Variants in ARHGEF9 observed in about 807,000 individuals in gnomAD.
ARHGEF9 encodes Cdc42 guanine nucleotide exchange factor 9.
ARHGEF9 carries 2 observed loss-of-function variants against 41.3 expected under a neutral mutation model. The ratio of observed to expected loss-of-function variants is 0.05; its 90% CI spans 0.02 to 0.15. The LOEUF is 0.15. Among genes scored for constraint, ARHGEF9 ranks in the 10% least tolerant of loss-of-function variants. The pLI, the probability that ARHGEF9 is intolerant of heterozygous loss-of-function variation, is 1.00. For missense variants in ARHGEF9, 225 were observed against 424.7 expected (o/e 0.53, Z 4.13); for synonymous variants, 160 against 154.4 (o/e 1.04, Z -0.27).
At chrX:63,754,129 A>C (rs1446464815) in intron 1 of ARHGEF9, among the ~76,000 whole-genome samples, 2 of 112,028 alleles carry the variant, frequency 1.8e-5, no homozygotes, top group Admixed American at 1.9e-4. Flanking sequence ...GCCACTGTTT[A>C]AGGACGCAGA....
At chrX:63,708,623 C>T (rs1283486114) in intron 2 of ARHGEF9, among the ~76,000 whole-genome samples, 1 of 111,652 alleles carries the variant, frequency 9.0e-6, no homozygotes, top group Non-Finnish European at 1.9e-5. Flanking sequence ...CAGGGTCCTT[C>T]ATAAGGAGCT....
At chrX:63,769,174 T>C (rs1556453155) in intron 1 of ARHGEF9, among the ~76,000 whole-genome samples, 1 of 111,792 alleles carries the variant, frequency 8.9e-6, no homozygotes, top group East Asian at 2.8e-4. Context: ...GCTGTGGTGG[T>C]CTCAGATAAA....
rs1327715442 is a variant in ARHGEF9, at chrX:63,754,882, G to A, written c.31-30171C>T. The A allele has an allele frequency of 6.4e-6, 6 of 937,601 alleles. No homozygotes were observed. In the East Asian group the frequency reaches 1.2e-4, roughly 20 times the overall value. The allele number at this position is 937,601 out of a possible 1,213,427, so 77.3% of individuals were successfully genotyped here. On this transcript the variant is annotated intron_variant, in intron 1 of 9. Transcript: ENST00000671741. ...ATTCTCTCTCGGGCGCCACGGGAAAGGCAAAATCCTAGCTTTCAAAGGGAA... is the reference window on the plus strand; with the variant it reads ...ATTCTCTCTCGGGCGCCACGGGAAAAGCAAAATCCTAGCTTTCAAAGGGAA...
intron 4 of ARHGEF9, among the ~76,000 whole-genome samples, chrX:63,685,104 TAA>T (rs1802058753): frequency 9.0e-6 from 1 of 111,113 alleles, no homozygotes; most frequent in South Asian, 3.8e-4. Context: ...GGAAATTTGC[TAA>T]GAGAGTAAAT....
chrX:63,700,082 G>A lies in ARHGEF9; in HGVS notation c.403-2778C>T, dbSNP rs782173528. 3.6e-5 allele frequency among the ~76,000 whole-genome samples: 4 copies of A among 111,995 alleles called. No homozygotes were observed. In the South Asian group the frequency reaches 1.1e-3, roughly 31 times the overall value. On this transcript the variant is annotated intron_variant, in intron 3 of 9. Transcript: ENST00000671741. ...AAGAAAATGCAGCTATAAGAAGGCT[G>A]CCTGGAATGAAATATTATCAAGGAA...
intron 8 of ARHGEF9, among the ~76,000 whole-genome samples, chrX:63,644,898 T>C (rs2047905557): frequency 9.1e-6 from 1 of 109,339 alleles, no homozygotes; most frequent in Non-Finnish European, 1.9e-5. Context: ...CCTGAGTATC[T>C]GGGGCCACAG....
intron 1 of ARHGEF9, chrX:63,755,210 G>A (rs1336806153): frequency 5.3e-6 from 5 of 937,163 alleles, no homozygotes; most frequent in South Asian, 5.9e-5. Context: ...TGACATACCC[G>A]CCGACCAATA....
chrX:63,656,359 G>A (rs1201706873), intron 7 of ARHGEF9, among the ~76,000 whole-genome samples: 7 of 112,210 alleles, frequency 6.2e-5, no homozygotes, highest in Non-Finnish European at 1.1e-4. Context: ...AACAGAAGTT[G>A]TAGATGGATA....
At chrX:63,658,447 T>C (rs1556338388) in intron 7 of ARHGEF9, among the ~76,000 whole-genome samples, 1 of 112,252 alleles carries the variant, frequency 8.9e-6, no homozygotes, top group African/African-American at 3.2e-5. Flanking sequence ...CTGAGTTTGA[T>C]GCCTTGCTGC....
chrX:63,647,892 A>T (rs1160185265), intron 8 of ARHGEF9, among the ~76,000 whole-genome samples: 1 of 111,185 alleles, frequency 9.0e-6, no homozygotes, highest in Non-Finnish European at 1.9e-5. Flanking sequence ...GCTATTAATT[A>T]TTGCCTCAAT....
In ARHGEF9 at chrX:63,705,742, T is replaced by C. The variant is rs3788828; in HGVS notation, c.402+516A>G. ...CCAGCAGCATCAGAATCACCAGGGATGCTCATTAAACCTAAAAATGCTCAT... is the reference window on the plus strand; with the variant it reads ...CCAGCAGCATCAGAATCACCAGGGACGCTCATTAAACCTAAAAATGCTCAT... On this transcript the variant is annotated intron_variant, in intron 3 of 9. Coordinates refer to ENST00000671741, the MANE Select transcript of ARHGEF9 (RefSeq NM_001353921.2). 9.9e-4 allele frequency among the ~76,000 whole-genome samples: 110 copies of C among 111,534 alleles called. 1 individual carries two copies. In the East Asian group the frequency reaches 0.029, roughly 30 times the overall value.
At chrX:63,704,592 A>G (rs1194996949) in intron 3 of ARHGEF9, among the ~76,000 whole-genome samples, 1 of 112,529 alleles carries the variant, frequency 8.9e-6, no homozygotes, top group Non-Finnish European at 1.9e-5. Flanking sequence ...GGATGGGTGA[A>G]TAAATTTAAA....
chrX:63,759,167 C>T (rs1451122285), intron 1 of ARHGEF9, among the ~76,000 whole-genome samples: 1 of 111,393 alleles, frequency 9.0e-6, no homozygotes, highest in African/African-American at 3.3e-5. Flanking sequence ...CTCAAAAGTA[C>T]TTTTGAGAGA....
In ARHGEF9 at chrX:63,645,375, C is replaced by T. The variant is rs1286213333; in HGVS notation, c.1322-1327G>A. 4.5e-5 allele frequency among the ~76,000 whole-genome samples: 5 copies of T among 110,884 alleles called. No individual in the cohort carries two copies. The East Asian group carries it at 1.1e-3, about 25-fold the overall frequency. On this transcript the variant is annotated intron_variant, in intron 8 of 9. Transcript: ENST00000671741. ...GTATATCTCCTAATGCTTTCCCTCT[C>T]CATTCCCCCAACCCCACAACAGGCC...
At chrX:63,646,442 C>A (rs1283976852) in intron 8 of ARHGEF9, among the ~76,000 whole-genome samples, 36 of 111,666 alleles carry the variant, frequency 3.2e-4, no homozygotes, top group Admixed American at 2.8e-3. Context: ...TCAGCTTTCT[C>A]CATATGGCTA....
intron 9 of ARHGEF9, chrX:63,638,541 G>A (rs1346849335): frequency 5.4e-6 from 2 of 373,599 alleles, no homozygotes; most frequent in South Asian, 7.8e-5. Flanking sequence ...CAAAGCAAGG[G>A]TTAGAACCTA....
intron 6 of ARHGEF9, among the ~76,000 whole-genome samples, chrX:63,672,886 C>T (rs2050046237): frequency 8.9e-6 from 1 of 112,052 alleles, no homozygotes; most frequent in Non-Finnish European, 1.9e-5. Flanking sequence ...GAAAAAAGGA[C>T]CCACAATTTT....
chrX:63,733,569 C>T lies in ARHGEF9; in HGVS notation c.31-8858G>A, dbSNP rs7060732. The stretch of plus-strand genomic sequence containing the variant: ...TCATTTCTTGGCAGAATAATTAATG[C>T]ACTCAAGTGATAATGACTCTAAATA... On this transcript the variant is annotated intron_variant, in intron 1 of 9. Transcript: ENST00000671741. Among the ~76,000 whole-genome samples the T allele has an allele frequency of 8.7e-3, 981 of 112,518 alleles. 4 individuals are homozygous for T. The highest frequency in any genetic ancestry group is 0.031 in the African/African-American group (948 of 30,972).
intron 4 of ARHGEF9, among the ~76,000 whole-genome samples, chrX:63,686,469 T>TA (rs372458018): frequency 2.2e-4 from 24 of 110,288 alleles, no homozygotes; most frequent in African/African-American, 4.3e-4. Flanking sequence ...TGACTATACT[T>TA]AAAAAAAATG....
Sources: gnomAD v4.1 joint callset for allele counts (sites outside exome capture counted in the v4.1 genomes callset) on GRCh38, gnomAD v4.1.1 for gene constraint, MANE v1.5 for transcripts, NCBI Gene and HGNC (gene_info 2026-07-23, HGNC 2026-07-21) for gene names.